The following ADAM15 variants were observed in gnomAD, a reference collection of about 807,000 sequenced individuals.
The protein encoded by ADAM15 is disintegrin and metalloproteinase domain-containing protein 15.
A neutral mutation model predicts 113.8 loss-of-function variants in ADAM15; 77 were observed. The observed-to-expected ratio is 0.68, with a 90% confidence interval of 0.56 to 0.82. The LOEUF (loss-of-function observed/expected upper bound fraction) is 0.82, where lower values mean the gene tolerates loss of function less well. Ranked by LOEUF, ADAM15 falls within the 40% of genes least tolerant of loss-of-function variation. The probability of loss-of-function intolerance (pLI) is 0.00; values close to 1 mark genes in which losing one functional copy is unlikely to be tolerated. For synonymous variants in ADAM15, 388 were observed against 454.1 expected, an observed-to-expected ratio of 0.85 and a Z score of 1.85; for missense variants, 963 against 1,120.1, an observed-to-expected ratio of 0.86 and a Z score of 2.00.
rs781264014 is a variant in ADAM15 at position 155,058,261 on chromosome 1, G to C, written c.1737G>C (p.Gly579=). The change falls in exon 15 of 23, where the codon GGG becomes GGC. Residue 579 remains glycine, a synonymous_variant. Coordinates refer to ENST00000356955, the MANE Select transcript of ADAM15 (RefSeq NM_207197.3). This position sits in a 1 kb window ranked among gnomAD's most constrained non-coding sequence, Gnocchi z 4.3. ...VSCTPRDAIC[G]QLQCQTGRTQ... ...CTCCCCACAGAGATGCCATTTGTGG[G>C]CAGCTCCAGTGCCAGACAGGTAGGA... 1 of 1,614,070 alleles carries C rather than the reference G, an allele frequency of 6.2e-7. No individual in the cohort carries two copies. Among genetic ancestry groups the C allele is most frequent in the South Asian group, 1.1e-5 (1 of 91,078 alleles).
At position 155,052,751 on chromosome 1, in the gene ADAM15, C is replaced by T; in HGVS notation, c.160C>T (p.Pro54Ser). The T allele has an allele frequency of 6.2e-7, 1 of 1,612,424 alleles. No homozygotes were observed. The highest frequency in any genetic ancestry group is 8.5e-7 in the Non-Finnish European group (1 of 1,179,470). The change falls in exon 2 of 23, where the codon CCA becomes TCA. Residue 54 changes from proline (P) to serine (S), a missense_variant. Physicochemically the swap from Pro to Ser is moderately conservative, Grantham distance 74 (BLOSUM62 -1). Transcript: ENST00000356955. ...LEPQVLQDDLPISLKKVLQTS... is the reference protein window; with the variant it reads ...LEPQVLQDDLSISLKKVLQTS... ...GCCCCAGGTCCTTCAGGACGATCTC[C>T]CAATTAGCCTCAAAAAGGTGCTTCA...
chr1:155,058,229 C>G lies in ADAM15; in HGVS notation c.1722-17C>G, dbSNP rs200422662. On this transcript the variant is annotated splice_polypyrimidine_tract_variant and intron_variant, in intron 14 of 22. Coordinates refer to ENST00000356955, the MANE Select transcript of ADAM15 (RefSeq NM_207197.3). The surrounding 1 kb of genome is among the most constrained non-coding windows in gnomAD (Gnocchi z 4.3). ...CCTGCTCCTACTAACTCTGTGTGCC[C>G]TTCCCCCTCCCCACAGAGATGCCAT... is the stretch of plus-strand genomic sequence containing the variant. The G allele has an allele frequency of 6.7e-5, 108 of 1,613,924 alleles. No individual in the cohort carries two copies. In the African/African-American group the frequency reaches 1.4e-3, roughly 21 times the overall value.
chr1:155,054,416 G>A lies in ADAM15; in HGVS notation c.522G>A (p.Leu174=). 6.2e-7 allele frequency: 1 copy of A among 1,613,962 alleles called. No homozygotes were observed. Among genetic ancestry groups the A allele is most frequent in the South Asian group, 1.1e-5 (1 of 91,066 alleles). ...TTTCGCGAATCCAAGATCTCCACCT[G>A]CCAGGCCACACCTGTGCCCTGAGCT... is the stretch of plus-strand genomic sequence containing the variant. ...PIISRIQDLH[L]PGHTCALSWR... is the part of the protein sequence containing the mutation. The change falls in exon 6 of 23, where the codon CTG becomes CTA. Residue 174 remains leucine (L), a synonymous_variant. Transcript: ENST00000356955.
rs1317408862 is a variant in ADAM15, at chr1:155,052,477, G to A, written c.80-194G>A. The A allele has an allele frequency of 2.0e-6, 3 of 1,531,830 alleles. No homozygotes were observed. In the African/African-American group the frequency reaches 4.1e-5, roughly 21 times the overall value. 94.9% of individuals were successfully genotyped at this position (1,531,830 alleles called of 1,614,324 possible). On this transcript the variant is annotated intron_variant, in intron 1 of 22. Transcript: ENST00000356955. ...TGGGGACTTGTGAATGGGTTGGTGG[G>A]TGGAAAGCCATAAATTAGAGAGACA...
intron 18 of ADAM15, 85 bp from the exon 19 acceptor site, chr1:155,060,678 G>T (rs1662447855): frequency 2.1e-6 from 3 of 1,452,558 alleles, no homozygotes; most frequent in Non-Finnish European, 2.9e-6. Context: ...GCCTGCAAAG[G>T]GTTAACCCCA....
intron 6 of ADAM15, chr1:155,055,456 GACCTC>G: frequency 5.9e-6 from 2 of 338,226 alleles, no homozygotes; most frequent in Non-Finnish European, 1.1e-5. Context: ...TCGATCTCCT[GACCTC>G]ATGATCCACC....
rs1662138443 is a variant in ADAM15, at chr1:155,058,782, C to T, written c.1990C>T (p.His664Tyr). 9.9e-6 allele frequency: 16 copies of T among 1,611,582 alleles called. No homozygotes were observed. The highest frequency in any genetic ancestry group is 1.4e-5 in the Non-Finnish European group (16 of 1,178,536). ...GGAATGTCGAAGCAAATGCCATGGA[C>T]ATGGGGTGAGCTGGGATGGGGGAAG... ...AQECRSKCHG[H>Y]GVCDSNRHCY... Residue 664 changes from histidine to tyrosine, a missense_variant, in exon 16 of 23, where the codon CAT becomes TAT. His to Tyr is a moderately conservative substitution (Grantham distance 83). Coordinates refer to ENST00000356955, the MANE Select transcript of ADAM15 (RefSeq NM_207197.3). The surrounding 1 kb of genome is among the most constrained non-coding windows in gnomAD (Gnocchi z 4.3).
At position 155,057,142 on chromosome 1, in the gene ADAM15, G is replaced by T. The variant is rs761199609; in HGVS notation, c.1148+41G>T. 2 of 1,590,604 alleles carry T rather than the reference G, an allele frequency of 1.3e-6. No individual in the cohort carries two copies. Among genetic ancestry groups the T allele is most frequent in the Non-Finnish European group, 1.7e-6 (2 of 1,165,966 alleles). On this transcript the variant is annotated intron_variant, in intron 11 of 22. Coordinates refer to ENST00000356955, the MANE Select transcript of ADAM15 (RefSeq NM_207197.3). This position sits in a 1 kb window ranked among gnomAD's most constrained non-coding sequence, Gnocchi z 5.0. ...ATGGAGAGAGGGTGTGGGGCAGGGG[G>T]CAGGGAGAGGCCCCCAGCCCCAACC... is the stretch of plus-strand genomic sequence containing the variant.
In ADAM15 at chr1:155,056,041, C is replaced by T. The variant is rs1414549602; in HGVS notation, c.745-39C>T. The T allele has an allele frequency of 6.2e-7, 1 of 1,612,470 alleles. No individual in the cohort carries two copies. Among genetic ancestry groups the T allele is most frequent in the Admixed American group, 1.7e-5 (1 of 60,008 alleles). ...GGCAACCCCCACCCCAGGCCCCTGA[C>T]CATGGCAACCCCTCTTCTGAGCCCC... On this transcript the variant is annotated intron_variant, in intron 8 of 22. Coordinates refer to ENST00000356955, the MANE Select transcript of ADAM15 (RefSeq NM_207197.3). The surrounding 1 kb of genome is among the most constrained non-coding windows in gnomAD (Gnocchi z 4.0).
rs1558129421 is a variant in ADAM15 at position 155,058,409 on chromosome 1, ACT to A, written c.1888_1889del (p.Leu630AlafsTer38). Reference sequence around the variant, plus strand: ...CAGTGATGTGGCCCAGCCCCTCCTGACTCTGCCTGGCACAGCCTGTGGCCCTG... The same window carrying A: ...CAGTGATGTGGCCCAGCCCCTCCTGACTGCCTGGCACAGCCTGTGGCCCTG... ...LGSDVAQPLLTLPGTACGPGL... is the reference protein window; with the variant it reads ...LGSDVAQPLLXLPGTACGPGL... On this transcript the variant is annotated frameshift_variant, in exon 15 of 23. Coordinates refer to ENST00000356955, the MANE Select transcript of ADAM15 (RefSeq NM_207197.3). LOFTEE classifies it high-confidence loss of function. This position sits in a 1 kb window ranked among gnomAD's most constrained non-coding sequence, Gnocchi z 4.3. 3.1e-6 allele frequency: 5 copies of A among 1,613,008 alleles called. No homozygotes were observed. The highest frequency in any genetic ancestry group is 3.4e-6 in the Non-Finnish European group (4 of 1,179,994).
At chr1:155,060,071 G>A (rs1277800979) in intron 17 of ADAM15, 97 bp downstream of exon 17, 1 of 1,573,342 alleles carries the variant, frequency 6.4e-7, no homozygotes, top group Non-Finnish European at 8.7e-7. Context: ...CCCCTTTGCT[G>A]CTGGTTCCCT....
At chr1:155,055,738 C>A in intron 6 of ADAM15, 52 bp from the exon 7 acceptor site, 1 of 1,604,662 alleles carries the variant, frequency 6.2e-7, no homozygotes, top group Non-Finnish European at 8.5e-7. Flanking sequence ...CCCGGCACAG[C>A]TGCTGGCTGC....
In ADAM15 at chr1:155,057,748, G is replaced by A. The variant is rs780351967; in HGVS notation, c.1416+19G>A. 2.5e-6 allele frequency: 4 copies of A among 1,614,102 alleles called. No homozygotes were observed. The Admixed American group carries it at 6.7e-5, about 27-fold the overall frequency. ...TTGCCAGGTGGGTAGAGACTAGACTGGCCACCCGGAGCTCACCTGCCGGGG... is the reference window on the plus strand; with the variant it reads ...TTGCCAGGTGGGTAGAGACTAGACTAGCCACCCGGAGCTCACCTGCCGGGG... On this transcript the variant is annotated intron_variant, in intron 13 of 22. Transcript: ENST00000356955. This position sits in a 1 kb window ranked among gnomAD's most constrained non-coding sequence, Gnocchi z 5.0.
At chr1:155,060,445 C>T (rs1269490022) in intron 18 of ADAM15, 102 bp downstream of exon 18, 1 of 1,514,080 alleles carries the variant, frequency 6.6e-7, no homozygotes, top group Non-Finnish European at 9.0e-7. Context: ...AGCCCCAGGC[C>T]CCTTGGACCT....
Position 155,058,216 on chromosome 1 carries a change from A to AACTCTGTGTGC in ADAM15, c.1722-29_1722-19dup, listed in dbSNP as rs1197486790. The AACTCTGTGTGC allele has an allele frequency of 6.2e-7, 1 of 1,613,738 alleles. No homozygotes were observed. The highest frequency in any genetic ancestry group is 8.5e-7 in the Non-Finnish European group (1 of 1,179,870). ...TGAGAGCCTTGGCCCTGCTCCTACT[A>AACTCTGTGTGC]ACTCTGTGTGCCCTTCCCCCTCCCC... On this transcript the variant is annotated intron_variant, in intron 14 of 22. Transcript: ENST00000356955. The surrounding 1 kb of genome is among the most constrained non-coding windows in gnomAD (Gnocchi z 4.3).
chr1:155,051,423 G>T lies in ADAM15; in HGVS notation c.37G>T (p.Gly13Cys). 1 of 1,565,568 alleles carries T rather than the reference G, an allele frequency of 6.4e-7. No homozygotes were observed. The highest frequency in any genetic ancestry group is 8.6e-7 in the Non-Finnish European group (1 of 1,161,238). ...GCTGCTCTGGGCCCTGGGGCTCCTG[G>T]GCGCGGGCAGCCCTCTGCCTTCCTG... is the stretch of plus-strand genomic sequence containing the variant. ...LALLWALGLL[G>C]AGSPLPSWPL... Residue 13 changes from glycine (G) to cysteine (C), a missense_variant, in exon 1 of 23, where the codon GGC (glycine) becomes TGC (cysteine). By Grantham distance (159) the Gly-to-Cys change is radical. Coordinates refer to ENST00000356955, the MANE Select transcript of ADAM15 (RefSeq NM_207197.3).
rs746250348 is a variant in ADAM15, at chr1:155,053,990, T to A, written c.342+2T>A. The A allele has an allele frequency of 2.5e-6, 4 of 1,613,920 alleles. No homozygotes were observed. The highest frequency in any genetic ancestry group is 3.4e-6 in the Non-Finnish European group (4 of 1,179,994). On this transcript the variant is annotated splice_donor_variant, in intron 4 of 22. Transcript: ENST00000356955. LOFTEE classifies it high-confidence loss of function. The stretch of plus-strand genomic sequence containing the variant: ...GTGGTCAGTGAGGGACACACTTTGG[T>A]GAGTCAGGCCCTCTTGTGCCATTTT...
intron 4 of ADAM15, 55 bp downstream of exon 4, chr1:155,054,043 G>T: frequency 6.2e-7 from 1 of 1,612,628 alleles, no homozygotes; most frequent in Non-Finnish European, 8.5e-7. Context: ...GGAGGGGGTG[G>T]CTGGAAGGTG....
chr1:155,059,850 G>A, intron 16 of ADAM15, 52 bp from the exon 17 acceptor site: 1 of 1,573,548 alleles, frequency 6.4e-7, no homozygotes, highest in South Asian at 1.1e-5. Flanking sequence ...CTAGAGACAA[G>A]GAAATAGTTC....
Sources: gnomAD v4.1 joint callset for allele counts on GRCh38, gnomAD v4.1.1 for gene constraint, Gnocchi (gnomAD v3.1) non-coding constraint, MANE v1.5 for transcripts, NCBI Gene and HGNC (gene_info 2026-07-23, HGNC 2026-07-21) for gene names.